Variants in PIGK observed in about 807,000 individuals in gnomAD.
PIGK encodes the protein GPI-anchor transamidase.
Under a neutral mutation model 50.6 loss-of-function variants are expected in PIGK, and 42 were observed. That is an observed-to-expected ratio of 0.83 (90% CI 0.65 to 1.07). PIGK has a LOEUF of 1.07. Ranked by LOEUF, PIGK falls within the 50% of genes least tolerant of loss-of-function variation. PIGK has a pLI of 0.00. For synonymous variants in PIGK, 151 were observed against 156.0 expected (o/e 0.97, Z 0.24); for missense variants, 448 against 488.7 (o/e 0.92, Z 0.78).
At chr1:77,160,614 AG>A (rs1655110007) in intron 8 of PIGK, among the ~76,000 whole-genome samples, 1 of 152,244 alleles carries the variant, frequency 6.6e-6, no homozygotes, top group Admixed American at 6.5e-5. Flanking sequence ...AAATTAATGG[AG>A]AAAAGAATGA....
At chr1:77,173,367 G>C (rs895130129) in intron 3 of PIGK, among the ~76,000 whole-genome samples, 2 of 151,916 alleles carry the variant, frequency 1.3e-5, no homozygotes, top group Non-Finnish European at 2.9e-5. Flanking sequence ...ATTAGAATTC[G>C]GGTCCCCCAT....
At chr1:77,206,753 A>G (rs1298584781) in intron 2 of PIGK, 22 bp from the exon 3 acceptor site, 1 of 1,471,096 alleles carries the variant, frequency 6.8e-7, no homozygotes, top group South Asian at 1.1e-5. Context: ...AAACAAAAAC[A>G]GAATTTTTAT....
chr1:77,215,725 C>A (rs945962276), intron 1 of PIGK, among the ~76,000 whole-genome samples: 2 of 151,862 alleles, frequency 1.3e-5, no homozygotes, highest in Non-Finnish European at 2.9e-5. Flanking sequence ...CGTGCACACA[C>A]GTGTATATAT....
intron 10 of PIGK, among the ~76,000 whole-genome samples, chr1:77,093,582 A>G (rs1408705078): frequency 6.6e-6 from 1 of 152,174 alleles, no homozygotes; most frequent in Non-Finnish European, 1.5e-5. Flanking sequence ...TTTAACTTGA[A>G]TCATAATTCT....
At chr1:77,206,833 G>C in intron 2 of PIGK, 102 bp from the exon 3 acceptor site, 1 of 680,746 alleles carries the variant, frequency 1.5e-6, no homozygotes, top group South Asian at 1.8e-5. Flanking sequence ...CTAAGAAACA[G>C]TATGCCATAA....
chr1:77,165,353 G>T (rs1160727299), intron 5 of PIGK, among the ~76,000 whole-genome samples: 1 of 151,726 alleles, frequency 6.6e-6, no homozygotes, highest in Non-Finnish European at 1.5e-5. Flanking sequence ...ATTTTTCCTG[G>T]CTTCATTAAC....
chr1:77,188,320 T>G (rs1364763262), intron 3 of PIGK, among the ~76,000 whole-genome samples: 3 of 152,172 alleles, frequency 2.0e-5, no homozygotes, highest in Non-Finnish European at 4.4e-5. Flanking sequence ...GGTATAGGCT[T>G]ATAAACAGCC....
rs753206921 is a variant in PIGK at position 77,092,361 on chromosome 1, TTCA to T, written c.*10_*12del. On this transcript the variant is annotated 3_prime_UTR_variant, in exon 11 of 11. Transcript: ENST00000370812. ...TTTGCAGTCCTCCATGCATTCTTCA[TTCA>T]TCATCAAGTCTAAAAAATGAACTTC... The T allele has an allele frequency of 8.6e-6, 10 of 1,167,498 alleles. No homozygotes were observed. The highest frequency in any genetic ancestry group is 2.4e-5 in the East Asian group (1 of 42,128). The allele number at this position is 1,167,498 out of a possible 1,614,324, so 72.3% of individuals were successfully genotyped here. A position where few individuals can be genotyped will look rare whatever the true frequency, so the allele number is the denominator to read the frequency against.
chr1:77,135,361 T>C (rs1286855618), intron 9 of PIGK, among the ~76,000 whole-genome samples: 1 of 152,068 alleles, frequency 6.6e-6, no homozygotes, highest in East Asian at 1.9e-4. Context: ...TTAATAATGT[T>C]ATATGTTATA....
intron 2 of PIGK, 108 bp downstream of exon 2, chr1:77,210,328 A>G (rs1207224969): frequency 1.1e-5 from 6 of 561,000 alleles, no homozygotes; most frequent in African/African-American, 2.0e-5. Flanking sequence ...AGAATTTCTG[A>G]TATAAAATGT....
intron 10 of PIGK, among the ~76,000 whole-genome samples, chr1:77,100,577 G>A (rs1203514818): frequency 1.3e-5 from 2 of 152,072 alleles, no homozygotes; most frequent in Non-Finnish European, 2.9e-5. Flanking sequence ...TGGCATATGA[G>A]GGATTCTGAG....
intron 9 of PIGK, among the ~76,000 whole-genome samples, chr1:77,139,939 C>T (rs1004744647): frequency 6.6e-6 from 1 of 152,136 alleles, no homozygotes; most frequent in African/African-American, 2.4e-5. Context: ...TGTTGTATCT[C>T]ATTCTAATAT....
intron 3 of PIGK, among the ~76,000 whole-genome samples, chr1:77,203,490 G>A (rs575289531): frequency 3.4e-4 from 51 of 152,094 alleles, no homozygotes; most frequent in African/African-American, 1.2e-3. Flanking sequence ...GGTCATACTC[G>A]AGCTACAGAG....
chr1:77,109,695 T>C (rs1175381401), intron 10 of PIGK, among the ~76,000 whole-genome samples: 3 of 152,124 alleles, frequency 2.0e-5, no homozygotes, highest in Non-Finnish European at 4.4e-5. Context: ...CTTTGAAAAC[T>C]GGCACAAGAC....
intron 10 of PIGK, among the ~76,000 whole-genome samples, chr1:77,103,731 C>T (rs2100513091): frequency 6.6e-6 from 1 of 152,204 alleles, no homozygotes; most frequent in South Asian, 2.1e-4. Flanking sequence ...TTAGAATTTG[C>T]AGGATAGAAG....
At chr1:77,140,109 G>A (rs775883981) in intron 9 of PIGK, among the ~76,000 whole-genome samples, 1 of 152,134 alleles carries the variant, frequency 6.6e-6, no homozygotes, top group Non-Finnish European at 1.5e-5. Context: ...CAATGCTGGA[G>A]GTGGTGCCTG....
intron 6 of PIGK, 145 bp downstream of exon 6, chr1:77,163,701 A>T (rs1655175768): frequency 1.7e-6 from 1 of 576,072 alleles, no homozygotes; most frequent in East Asian, 3.1e-5. Context: ...CCCAGTTCAG[A>T]GGAAATAACA....
At chr1:77,168,020 G>GA (rs71849640) in intron 4 of PIGK, among the ~76,000 whole-genome samples, 227 of 144,452 alleles carry the variant, frequency 1.6e-3, no homozygotes, top group Admixed American at 0.01. Flanking sequence ...GGTTGAAAAA[G>GA]AAAAAAAAAA....
chr1:77,109,373 A>G (rs1345780683), intron 10 of PIGK, among the ~76,000 whole-genome samples: 4 of 152,206 alleles, frequency 2.6e-5, no homozygotes, highest in African/African-American at 9.6e-5. Flanking sequence ...AAATACTGGC[A>G]AACCAAATCC....
Sources: allele counts gnomAD v4.1 joint callset (sites outside exome capture counted in the v4.1 genomes callset), GRCh38; gene constraint gnomAD v4.1.1; transcripts MANE v1.5; gene names NCBI Gene and HGNC (gene_info 2026-07-23, HGNC 2026-07-21).